ADCY7: variants seen among roughly 807,000 people sequenced by gnomAD.
ADCY7 encodes the protein adenylate cyclase type 7.
In ADCY7, 72 loss-of-function variants were observed where a neutral mutation model predicts 120.6. The observed-to-expected ratio is 0.60, with a 90% CI of 0.49 to 0.73. The LOEUF (loss-of-function observed/expected upper bound fraction) is 0.73. Among genes scored for constraint, ADCY7 ranks in the 30% least tolerant of loss-of-function variants. ADCY7 has a pLI of 0.00. For synonymous variants in ADCY7, 661 were observed against 628.0 expected (o/e 1.05, Z -0.78); for missense variants, 1,227 against 1,486.0 (o/e 0.83, Z 2.87).
rs749479297 is a variant in ADCY7 at position 50,307,044 on chromosome 16, C to T, written c.1753-6C>T. ...GGCCACCCCTCACAGTCCCTGCTGC[C>T]CCCAGTACCGCCTGGCACCCATCCC... On this transcript the variant is annotated splice_polypyrimidine_tract_variant and splice_region_variant and intron_variant, in intron 14 of 25. Transcript: ENST00000673801. 12 of 1,606,210 alleles carry T rather than the reference C, an allele frequency of 7.5e-6. No individual in the cohort carries two copies. The highest frequency in any genetic ancestry group is 1.1e-5 in the South Asian group (1 of 90,890).
intron 17 of ADCY7, chr16:50,309,063 G>T (rs2036274220): frequency 2.5e-6 from 1 of 397,932 alleles, no homozygotes; most frequent in Non-Finnish European, 4.5e-6. Context: ...CATTCTTCAC[G>T]GCCCTTCTGA....
Position 50,297,062 on chromosome 16 carries a change from G to A in ADCY7, c.949-1842G>A, listed in dbSNP as rs200975082. 6.6e-6 allele frequency among the ~76,000 whole-genome samples: 1 copy of A among 152,208 alleles called. No homozygotes were observed. Among genetic ancestry groups the A allele is most frequent in the Non-Finnish European group, 1.5e-5 (1 of 68,022 alleles). On this transcript the variant is annotated intron_variant, in intron 7 of 25. Transcript: ENST00000673801. The surrounding 1 kb of genome is among the most constrained non-coding windows in gnomAD (Gnocchi z 4.4). ...CCCACACAGAGGGTCCCTTGCCCTTGGACACAGTCTTCCCTCTCCAGCAGG... is the reference window on the plus strand; with the variant it reads ...CCCACACAGAGGGTCCCTTGCCCTTAGACACAGTCTTCCCTCTCCAGCAGG...
chr16:50,263,190 C>G (rs2033104450), upstream of ADCY7, among the ~76,000 whole-genome samples: 1 of 152,124 alleles, frequency 6.6e-6, no homozygotes, highest in African/African-American at 2.4e-5. Flanking sequence ...AGTGGGGCTG[C>G]CAGGGAGTGC....
In ADCY7 at chr16:50,304,972, C is replaced by T; in HGVS notation, c.1595+13C>T. 1 of 1,613,112 alleles carries T rather than the reference C, an allele frequency of 6.2e-7. No homozygotes were observed. The highest frequency in any genetic ancestry group is 8.5e-7 in the Non-Finnish European group (1 of 1,179,972). ...GGACCCCAGACAGGTGCGTGCCCTG[C>T]CCTCCTGGCCAAGTCCTGCTGCAGC... On this transcript the variant is annotated intron_variant, in intron 12 of 25. Transcript: ENST00000673801.
chr16:50,306,581 G>A (rs2036081654), intron 14 of ADCY7, among the ~76,000 whole-genome samples: 1 of 136,756 alleles, frequency 7.3e-6, no homozygotes. Flanking sequence ...AGTGGGGGTG[G>A]GGGGCGGGAT....
intron 3 of ADCY7, among the ~76,000 whole-genome samples, chr16:50,291,069 C>G (rs1344221480): frequency 6.6e-6 from 1 of 152,006 alleles, no homozygotes; most frequent in Non-Finnish European, 1.5e-5. Flanking sequence ...TCCAGGCTGC[C>G]CACCCCAGTT....
chr16:50,305,775 A>G lies in ADCY7; in HGVS notation c.1680-2A>G. The G allele has an allele frequency of 3.1e-6, 5 of 1,613,822 alleles. No homozygotes were observed. Among genetic ancestry groups the G allele is most frequent in the Non-Finnish European group, 4.2e-6 (5 of 1,179,904 alleles). The stretch of plus-strand genomic sequence containing the variant: ...TCTCACCGCAGCTGCCCCCGCCCAC[A>G]GGCCCTGCTGCTCCAAGTCCGATGA... On this transcript the variant is annotated splice_acceptor_variant, in intron 13 of 25. Coordinates refer to ENST00000673801, the MANE Select transcript of ADCY7 (RefSeq NM_001114.5). LOFTEE classifies it high-confidence loss of function.
Position 50,311,772 on chromosome 16 carries a change from A to G in ADCY7, c.2434A>G (p.Thr812Ala). 6.7e-7 allele frequency: 1 copy of G among 1,482,282 alleles called. No homozygotes were observed. The highest frequency in any genetic ancestry group is 9.2e-7 in the Non-Finnish European group (1 of 1,091,206). 91.8% of individuals were successfully genotyped at this position (1,482,282 alleles called of 1,614,324 possible). The change falls in exon 20 of 26, where the codon ACA (threonine) becomes GCA (alanine). Residue 812 changes from threonine to alanine, a missense_variant. Around this residue, in one of 5 missense-constraint regions of ADCY7, gnomAD observed 267 missense variants for 270.0 expected, o/e 0.99. Coordinates refer to ENST00000673801, the MANE Select transcript of ADCY7 (RefSeq NM_001114.5). ...GGTCCTGTTCTACATCACCCTGCTT[A>G]CACTCTCCAGACAGGTAAGGAGGCT... ...YLVLFYITLL[T>A]LSRQIDYYCR...
At chr16:50,314,251 C>A (rs1380005052) in intron 23 of ADCY7, 41 bp from the exon 24 acceptor site, 2 of 1,588,674 alleles carry the variant, frequency 1.3e-6, no homozygotes, top group East Asian at 4.5e-5. Flanking sequence ...GGTCTGGGGG[C>A]TCTGGAGATG....
chr16:50,307,291 C>T, intron 15 of ADCY7, 144 bp downstream of exon 15: 6 of 695,310 alleles, frequency 8.6e-6, no homozygotes, highest in Non-Finnish European at 1.2e-5. Flanking sequence ...GCTGTGGCAG[C>T]ACACCTTGAG....
Position 50,310,892 on chromosome 16 carries a change from C to A in ADCY7, c.2354+12C>A. The A allele has an allele frequency of 6.4e-7, 1 of 1,566,492 alleles. No individual in the cohort carries two copies. Among genetic ancestry groups the A allele is most frequent in the Non-Finnish European group, 8.6e-7 (1 of 1,158,092 alleles). Reference sequence around the variant, plus strand: ...AACGGCACCACCAGGTGGGGTCCCGCCCGTCCCCGTCCCCATCCCCATGGT... The same window carrying A: ...AACGGCACCACCAGGTGGGGTCCCGACCGTCCCCGTCCCCATCCCCATGGT... On this transcript the variant is annotated intron_variant, in intron 19 of 25. Coordinates refer to ENST00000673801, the MANE Select transcript of ADCY7 (RefSeq NM_001114.5).
At chr16:50,266,499 CGCCGCTGCT>C (rs551727340), upstream of ADCY7, 18 of 165,052 alleles carry the variant, frequency 1.1e-4, no homozygotes, top group South Asian at 2.0e-3. Flanking sequence ...CTGCCGCCGC[CGCCGCTGCT>C]GCCGCTGCCG....
At chr16:50,258,065 T>A (rs1044967288) in intron 1 of ADCY7, among the ~76,000 whole-genome samples, 1 of 151,994 alleles carries the variant, frequency 6.6e-6, no homozygotes, top group Non-Finnish European at 1.5e-5. Flanking sequence ...TATTAGCTTT[T>A]TAAAATCAGG....
intron 1 of ADCY7, among the ~76,000 whole-genome samples, chr16:50,277,055 T>G (rs979398738): frequency 1.3e-5 from 2 of 152,212 alleles, no homozygotes; most frequent in Admixed American, 6.5e-5. Flanking sequence ...GGTTTTTCTG[T>G]GTCCTGGTTC....
In ADCY7 at chr16:50,304,911, C is replaced by G; in HGVS notation, c.1561-14C>G. 1 of 1,613,768 alleles carries G rather than the reference C, an allele frequency of 6.2e-7. No homozygotes were observed. Among genetic ancestry groups the G allele is most frequent in the Non-Finnish European group, 8.5e-7 (1 of 1,180,020 alleles). ...CTGGGGAATGACTGTATCCTTTCCTCCCTTCCCTTTCAGAGCGTTCCCCAG... is the reference window on the plus strand; with the variant it reads ...CTGGGGAATGACTGTATCCTTTCCTGCCTTCCCTTTCAGAGCGTTCCCCAG... On this transcript the variant is annotated splice_polypyrimidine_tract_variant and intron_variant, in intron 11 of 25. Coordinates refer to ENST00000673801, the MANE Select transcript of ADCY7 (RefSeq NM_001114.5).
chr16:50,311,839 C>G, intron 20 of ADCY7, 53 bp downstream of exon 20: 1 of 1,366,802 alleles, frequency 7.3e-7, no homozygotes, highest in Non-Finnish European at 1.0e-6. Flanking sequence ...TTTTCCTCAC[C>G]TCCATCTGGA....
At position 50,317,943 on chromosome 16, in the gene ADCY7, A is replaced by ATACTT. The variant is rs1328381121; in HGVS notation, c.*2440_*2444dup. ...AGAAGAGAAGATCATTAACCACTGT[A>ATACTT]TACTTTGTGTATATAATAGGTCAGT... On this transcript the variant is annotated 3_prime_UTR_variant, in exon 26 of 26. Transcript: ENST00000673801. 1.3e-5 allele frequency: 2 copies of ATACTT among 152,324 alleles called. No homozygotes were observed. Among genetic ancestry groups the ATACTT allele is most frequent in the Non-Finnish European group, 2.9e-5 (2 of 68,030 alleles). The allele number at this position is 152,324 out of a possible 1,614,324, so 9.4% of individuals were successfully genotyped here. A position where few individuals can be genotyped will look rare whatever the true frequency, so the allele number is the denominator to read the frequency against.
intron 19 of ADCY7, among the ~76,000 whole-genome samples, 179 bp downstream of exon 19, chr16:50,311,059 C>T (rs76276637): frequency 6.6e-6 from 1 of 152,138 alleles, no homozygotes; most frequent in Non-Finnish European, 1.5e-5. Context: ...TAGGAAGTCC[C>T]TAGTCTGACA....
intron 17 of ADCY7, 150 bp downstream of exon 17, chr16:50,308,942 G>A: frequency 1.0e-6 from 1 of 965,912 alleles, no homozygotes. Context: ...TGTACACTCA[G>A]GGCTCCTCAC....
Sources: gnomAD v4.1 joint callset for allele counts (sites outside exome capture counted in the v4.1 genomes callset) on GRCh38, gnomAD v4.1.1 for gene constraint, gnomAD v4.1.1 regional missense constraint, Gnocchi (gnomAD v3.1) non-coding constraint, MANE v1.5 for transcripts, NCBI Gene and HGNC (gene_info 2026-07-23, HGNC 2026-07-21) for gene names.